NRXN3: variants seen among roughly 807,000 people sequenced by gnomAD.
NRXN3 encodes the protein neurexin 3, also known as neurexin III.
In NRXN3, 32 loss-of-function variants were observed where a neutral mutation model predicts 137.6. The ratio of observed to expected loss-of-function variants is 0.23; its 90% CI spans 0.18 to 0.31. NRXN3 has a LOEUF of 0.31. Among genes scored for constraint, NRXN3 ranks in the 10% least tolerant of loss-of-function variants. The pLI is 1.00. For synonymous variants in NRXN3, 798 were observed against 784.5 expected (o/e 1.02, Z -0.29); for missense variants, 1,574 against 2,062.5 (o/e 0.76, Z 4.59).
intron 4 of NRXN3, among the ~76,000 whole-genome samples, chr14:78,612,182 A>T (rs1336541418): frequency 6.6e-6 from 1 of 152,164 alleles, no homozygotes; most frequent in African/African-American, 2.4e-5. Context: ...GCTTTCTTAC[A>T]TCCTGTTGGT....
At chr14:78,468,216 A>G (rs115728528) in intron 4 of NRXN3, among the ~76,000 whole-genome samples, 2,294 of 152,310 alleles carry the variant, frequency 0.015, 57 homozygotes, top group African/African-American at 0.053. Context: ...GCTGTGTCAT[A>G]AAGCACCCCA....
intron 6 of NRXN3, among the ~76,000 whole-genome samples, chr14:78,674,104 G>A (rs776156601): frequency 7.2e-5 from 11 of 152,132 alleles, no homozygotes; most frequent in Non-Finnish European, 1.5e-4. Flanking sequence ...TCAGAAACTG[G>A]GACAGAAGCA....
At chr14:79,531,546 A>G (rs1300521104) in intron 16 of NRXN3, among the ~76,000 whole-genome samples, 4 of 152,220 alleles carry the variant, frequency 2.6e-5, no homozygotes, top group Non-Finnish European at 5.9e-5. Context: ...CCAAACATTG[A>G]TGACATTTCG....
intron 1 of NRXN3, among the ~76,000 whole-genome samples, chr14:78,174,998 G>A (rs562272468): frequency 3.9e-4 from 59 of 152,258 alleles, no homozygotes; most frequent in Non-Finnish European, 7.4e-4. Context: ...CCTCTTGGGC[G>A]GCTCGGCCTT....
chr14:79,230,012 A>C (rs11849650), intron 15 of NRXN3, among the ~76,000 whole-genome samples: 5,427 of 152,198 alleles, frequency 0.036, 353 homozygotes, highest in African/African-American at 0.12. Flanking sequence ...AGGTGAATAA[A>C]AGGCTGATTA....
intron 15 of NRXN3, among the ~76,000 whole-genome samples, chr14:79,186,106 T>C (rs981225610): frequency 6.6e-6 from 1 of 152,190 alleles, no homozygotes; most frequent in Non-Finnish European, 1.5e-5. Context: ...TTCTGATACA[T>C]GCAAAATAGT....
chr14:78,723,365 CTTAG>C (rs768131720), intron 8 of NRXN3, among the ~76,000 whole-genome samples: 7 of 152,292 alleles, frequency 4.6e-5, no homozygotes, highest in South Asian at 2.1e-4. Context: ...GTCAATAGGA[CTTAG>C]TTAGTAATCA....
chr14:79,099,395 C>A (rs1179779739), intron 15 of NRXN3, among the ~76,000 whole-genome samples: 3 of 152,090 alleles, frequency 2.0e-5, no homozygotes, highest in Non-Finnish European at 2.9e-5. Flanking sequence ...CAATTTATAA[C>A]TTAAAGCAAG....
At chr14:78,309,933 C>T (rs1567223353) in intron 4 of NRXN3, among the ~76,000 whole-genome samples, 1 of 151,946 alleles carries the variant, frequency 6.6e-6, no homozygotes, top group Admixed American at 6.6e-5. Flanking sequence ...TGGAAGGGTT[C>T]GTTTAAATAG....
At chr14:79,196,187 G>A (rs1353410353) in intron 15 of NRXN3, among the ~76,000 whole-genome samples, 2 of 152,206 alleles carry the variant, frequency 1.3e-5, no homozygotes, top group Non-Finnish European at 1.5e-5. Flanking sequence ...TGAATGACTT[G>A]ATAGCCTGGA....
At chr14:78,512,458 C>T (rs2096126916) in intron 4 of NRXN3, among the ~76,000 whole-genome samples, 2 of 152,160 alleles carry the variant, frequency 1.3e-5, no homozygotes, top group Admixed American at 1.3e-4. Flanking sequence ...ATGGCCCCAC[C>T]TAACTCCAAA....
intron 4 of NRXN3, among the ~76,000 whole-genome samples, chr14:78,387,032 C>T (rs560941850): frequency 9.2e-5 from 14 of 152,184 alleles, no homozygotes; most frequent in Non-Finnish European, 1.6e-4. Context: ...CCACCCTCCT[C>T]GGCCTCCCAA....
At chr14:79,420,126 T>C (rs188697751) in intron 15 of NRXN3, among the ~76,000 whole-genome samples, 1 of 152,292 alleles carries the variant, frequency 6.6e-6, no homozygotes, top group Admixed American at 6.5e-5. Context: ...GAACTGAGAA[T>C]GCAAATAGCT....
intron 15 of NRXN3, among the ~76,000 whole-genome samples, chr14:79,376,195 GGTGTGTGT>G (rs369678546): frequency 3.1e-5 from 3 of 95,390 alleles, no homozygotes; most frequent in South Asian, 3.5e-4. Context: ...TATACATGTG[GGTGTGTGT>G]GTGTGTGTAT....
intron 10 of NRXN3, among the ~76,000 whole-genome samples, chr14:78,842,737 C>T (rs1031692636): frequency 1.3e-5 from 2 of 152,112 alleles, no homozygotes; most frequent in African/African-American, 4.8e-5. Context: ...CCAAAGTGAC[C>T]ATTTCAGAGG....
At chr14:78,264,558 A>G (rs943623927) in intron 2 of NRXN3, among the ~76,000 whole-genome samples, 1 of 152,040 alleles carries the variant, frequency 6.6e-6, no homozygotes, top group Non-Finnish European at 1.5e-5. Flanking sequence ...CCAGCAGGGC[A>G]GAAACTGATG....
At chr14:79,332,466 C>T (rs2091837211) in intron 15 of NRXN3, among the ~76,000 whole-genome samples, 1 of 152,192 alleles carries the variant, frequency 6.6e-6, no homozygotes, top group African/African-American at 2.4e-5. Flanking sequence ...GCTGTTTCCT[C>T]TGCTAAGAAT....
chr14:78,314,014 T>C (rs2078271850), intron 4 of NRXN3, among the ~76,000 whole-genome samples: 1 of 152,148 alleles, frequency 6.6e-6, no homozygotes, highest in Non-Finnish European at 1.5e-5. Flanking sequence ...CAGCTCACAA[T>C]AGAGTAGGAA....
At chr14:79,640,219 T>A (rs1035661782) in intron 16 of NRXN3, among the ~76,000 whole-genome samples, 1 of 135,834 alleles carries the variant, frequency 7.4e-6, no homozygotes, top group African/African-American at 2.5e-5. Context: ...GTAGAGTTCT[T>A]TGCTTTCAGT....
Sources: allele counts gnomAD v4.1 joint callset (sites outside exome capture counted in the v4.1 genomes callset), GRCh38; gene constraint gnomAD v4.1.1; transcripts MANE v1.5; gene names NCBI Gene and HGNC (gene_info 2026-07-23, HGNC 2026-07-21).